Variants in TMEM74 observed in about 807,000 individuals in gnomAD.
TMEM74 encodes transmembrane protein 74.
A neutral mutation model predicts 18.1 loss-of-function variants in TMEM74; 13 were observed. That is an observed-to-expected ratio of 0.72 (90% CI 0.47 to 1.14). TMEM74 has a LOEUF of 1.14. TMEM74 is among the 50% of genes most tolerant of loss of function. TMEM74 has a pLI of 0.00. For missense variants in TMEM74, 372 were observed against 375.9 expected (o/e 0.99, Z 0.09); for synonymous variants, 159 against 146.6 (o/e 1.08, Z -0.61).
At chr8:108,633,185 C>T (rs1812573564) in intron 2 of TMEM74, among the ~76,000 whole-genome samples, 2 of 151,860 alleles carry the variant, frequency 1.3e-5, no homozygotes, top group Non-Finnish European at 2.9e-5. Flanking sequence ...GACTTTTTCC[C>T]CCACCATTTT....
At chr8:108,787,420 A>C (rs912749359) in intron 1 of TMEM74, 56 bp downstream of exon 1, 1 of 152,368 alleles carries the variant, frequency 6.6e-6, no homozygotes, top group African/African-American at 2.4e-5. Context: ...GCTAGGCTCC[A>C]GGGCTCTCAC....
chr8:108,643,203 G>A (rs1397438923), intron 2 of TMEM74, among the ~76,000 whole-genome samples: 2 of 152,142 alleles, frequency 1.3e-5, no homozygotes, highest in Admixed American at 6.6e-5. Flanking sequence ...CATTTGGAAA[G>A]CTTTTTAAAA....
At position 108,720,940 on chromosome 8, in the gene TMEM74, C is replaced by T. The variant is rs560681883; in HGVS notation, n.120-65503G>A. On this transcript the variant is annotated intron_variant and non_coding_transcript_variant, in intron 1 of 3. Transcript: ENST00000518838. The stretch of plus-strand genomic sequence containing the variant: ...TCCACCACCACGCTTGGCTAATTTT[C>T]GTACTTTTAGTAGAGATGTGGTTTT... Among the ~76,000 whole-genome samples the T allele has an allele frequency of 5.3e-5, 8 of 151,968 alleles. No individual in the cohort carries two copies. In the South Asian group the frequency reaches 1.7e-3, roughly 32 times the overall value.
intron 2 of TMEM74, among the ~76,000 whole-genome samples, chr8:108,633,770 A>G (rs1354685992): frequency 1.3e-5 from 2 of 152,028 alleles, no homozygotes; most frequent in African/African-American, 4.8e-5. Flanking sequence ...AATGGATCTT[A>G]GCCATGTTCC....
At chr8:108,657,849 A>T (rs1460401829) in intron 1 of TMEM74, among the ~76,000 whole-genome samples, 34 of 36,954 alleles carry the variant, frequency 9.2e-4, no homozygotes, top group African/African-American at 1.0e-3. Flanking sequence ...TCTCAAAAAA[A>T]AAAAAAAAAA....
intron 1 of TMEM74, among the ~76,000 whole-genome samples, chr8:108,674,269 T>C (rs1813031871): frequency 6.6e-6 from 1 of 152,172 alleles, no homozygotes. Flanking sequence ...TGGTGCTTCA[T>C]AAGTTTGTTA....
chr8:108,784,662 T>G lies in TMEM74; in HGVS notation c.437A>C (p.Glu146Ala). 6.2e-7 allele frequency: 1 copy of G among 1,614,148 alleles called. No homozygotes were observed. Among genetic ancestry groups the G allele is most frequent in the South Asian group, 1.1e-5 (1 of 91,080 alleles). ...PGELGWENPN[E>A]WSQEAAISLI... ...AGATATGGCAGCCTCTTGGGACCAC[T>G]CATTTGGATTTTCCCAGCCAAGCTC... The change falls in exon 2 of 2, where the codon GAG (glutamate) becomes GCG (alanine). Residue 146 changes from glutamate to alanine, a missense_variant. Physicochemically the swap from Glu to Ala is moderately radical, Grantham distance 107. Coordinates refer to ENST00000297459, the MANE Select transcript of TMEM74 (RefSeq NM_153015.3).
rs552657554 is a variant in TMEM74, at chr8:108,779,575, G to T, written c.*4606C>A. ...TGTGGGAGGCTGAACAACCAAAACA[G>T]GTTTATAATAATTATGGCATCTCAT... On this transcript the variant is annotated 3_prime_UTR_variant, in exon 2 of 2. Transcript: ENST00000297459. 6.6e-6 allele frequency among the ~76,000 whole-genome samples: 1 copy of T among 152,260 alleles called. No individual in the cohort carries two copies. The highest frequency in any genetic ancestry group is 2.1e-4 in the South Asian group (1 of 4,826).
chr8:108,622,862 G>A lies in TMEM74; in HGVS notation n.265-14036C>T, dbSNP rs573106234. ...CTTTTCCCCTTTCTTTCCTCTTATTGATTCACTTCACAAACATATATTAAA... is the reference window on the plus strand; with the variant it reads ...CTTTTCCCCTTTCTTTCCTCTTATTAATTCACTTCACAAACATATATTAAA... On this transcript the variant is annotated intron_variant and non_coding_transcript_variant, in intron 2 of 3. Transcript: ENST00000518838. 1.3e-4 allele frequency among the ~76,000 whole-genome samples: 19 copies of A among 151,976 alleles called. No homozygotes were observed. The East Asian group carries it at 3.3e-3, about 26-fold the overall frequency.
chr8:108,730,002 G>C (rs545922004), intron 1 of TMEM74, among the ~76,000 whole-genome samples: 25 of 152,276 alleles, frequency 1.6e-4, no homozygotes, highest in Non-Finnish European at 3.2e-4. Flanking sequence ...AAAGTAACTA[G>C]GTTTTCAAAG....
At chr8:108,753,860 A>G (rs1813928450) in intron 1 of TMEM74, among the ~76,000 whole-genome samples, 1 of 151,990 alleles carries the variant, frequency 6.6e-6, no homozygotes, top group Non-Finnish European at 1.5e-5. Flanking sequence ...AATCAAGTGT[A>G]TTTTGTATCT....
At chr8:108,645,942 G>T (rs1055528597) in intron 2 of TMEM74, among the ~76,000 whole-genome samples, 3 of 152,116 alleles carry the variant, frequency 2.0e-5, no homozygotes, top group Non-Finnish European at 2.9e-5. Context: ...GAATTGTAAT[G>T]AATAAGTATT....
At chr8:108,763,828 A>G (rs766183962) in intron 1 of TMEM74, among the ~76,000 whole-genome samples, 3 of 152,170 alleles carry the variant, frequency 2.0e-5, no homozygotes, top group Admixed American at 6.5e-5. Flanking sequence ...GACAATTTGC[A>G]TAGTCTCAGG....
At position 108,784,895 on chromosome 8, in the gene TMEM74, G is replaced by C. The variant is rs1438047344; in HGVS notation, c.204C>G (p.Ser68=). ...SKLSSSPASP[S]SSLQNSTLQP... Reference sequence around the variant, plus strand: ...GAAGAGTACTGTTTTGCAGAGAGGAGGAGGGGGATGCTGGAGAAGAACTAA... The same window carrying C: ...GAAGAGTACTGTTTTGCAGAGAGGACGAGGGGGATGCTGGAGAAGAACTAA... Residue 68 remains serine (S), a synonymous_variant, in exon 2 of 2, where the codon TCC becomes TCG. Coordinates refer to ENST00000297459, the MANE Select transcript of TMEM74 (RefSeq NM_153015.3). 1.9e-6 allele frequency: 3 copies of C among 1,614,042 alleles called. No individual in the cohort carries two copies. In the Admixed American group the frequency reaches 5.0e-5, roughly 27 times the overall value.
At chr8:108,723,020 G>T (rs1813600585) in intron 1 of TMEM74, among the ~76,000 whole-genome samples, 1 of 152,178 alleles carries the variant, frequency 6.6e-6, no homozygotes, top group African/African-American at 2.4e-5. Context: ...CAGAGGTGCA[G>T]GTAGAGTGTT....
intron 1 of TMEM74, among the ~76,000 whole-genome samples, chr8:108,709,686 A>C (rs1813455799): frequency 6.6e-6 from 1 of 152,170 alleles, no homozygotes; most frequent in Non-Finnish European, 1.5e-5. Flanking sequence ...AAGTGTTTTT[A>C]CTGCCAAAAC....
At chr8:108,751,315 C>G (rs1813902495) in intron 1 of TMEM74, among the ~76,000 whole-genome samples, 1 of 152,048 alleles carries the variant, frequency 6.6e-6, no homozygotes, top group African/African-American at 2.4e-5. Flanking sequence ...TTTCTTAGAC[C>G]ATATTATACA....
At position 108,657,855 on chromosome 8, in the gene TMEM74, A is replaced by AT. The variant is rs1242934220; in HGVS notation, n.120-2419_120-2418insA. Among the ~76,000 whole-genome samples, 589 of 59,910 alleles carry AT rather than the reference A, an allele frequency of 9.8e-3. 5 individuals carry two copies. Among genetic ancestry groups the AT allele is most frequent in the East Asian group, 0.018 (26 of 1,414 alleles). The allele number at this position is 59,910 out of a possible 152,430, so 39.3% of individuals were successfully genotyped here. ...GAGACACCGTCTCAAAAAAAAAAAA[A>AT]AAAAATATATATATATATATATATA... On this transcript the variant is annotated intron_variant and non_coding_transcript_variant, in intron 1 of 3. Coordinates refer to the TMEM74 transcript ENST00000518838.
chr8:108,738,997 A>T (rs1184147966), intron 1 of TMEM74, among the ~76,000 whole-genome samples: 1 of 152,200 alleles, frequency 6.6e-6, no homozygotes, highest in South Asian at 2.1e-4. Flanking sequence ...TTCAGCCAGA[A>T]ATTAGTCATA....
Sources: gnomAD v4.1 joint callset for allele counts (sites outside exome capture counted in the v4.1 genomes callset) on GRCh38, gnomAD v4.1.1 for gene constraint, MANE v1.5 for transcripts, NCBI Gene and HGNC (gene_info 2026-07-23, HGNC 2026-07-21) for gene names.